The following PRUNE2 variants were observed in gnomAD, a reference collection of about 807,000 sequenced individuals.
PRUNE2 encodes the protein prune homolog 2 with BCH domain.
In PRUNE2, 164 loss-of-function variants were observed where a neutral mutation model predicts 252.0. The ratio of observed to expected loss-of-function variants is 0.65; its 90% CI spans 0.57 to 0.74. The LOEUF is 0.74. Ranked by LOEUF, PRUNE2 falls within the 30% of genes least tolerant of loss-of-function variation. The pLI is 0.00. For synonymous variants in PRUNE2, 1,292 were observed against 1,350.2 expected (o/e 0.96, Z 0.94); for missense variants, 3,495 against 3,711.0 (o/e 0.94, Z 1.51).
intron 6 of PRUNE2, among the ~76,000 whole-genome samples, chr9:76,808,150 C>T (rs573150138): frequency 1.3e-5 from 2 of 149,418 alleles, no homozygotes; most frequent in East Asian, 3.9e-4. Context: ...TGCACTCCAG[C>T]CTGGGCAACA....
At chr9:76,649,214 G>T (rs772846623) in intron 11 of PRUNE2, among the ~76,000 whole-genome samples, 10 of 152,152 alleles carry the variant, frequency 6.6e-5, no homozygotes, top group Non-Finnish European at 1.5e-4. Flanking sequence ...AAAACAATGA[G>T]AATGACCAAT....
intron 9 of PRUNE2, among the ~76,000 whole-genome samples, chr9:76,662,238 C>A (rs1392740103): frequency 6.6e-6 from 1 of 152,192 alleles, no homozygotes; most frequent in Non-Finnish European, 1.5e-5. Context: ...TAAATCTTTG[C>A]ACCTTCTCTA....
chr9:76,647,535 G>GAAATTAAAACTACTATATAAAAGACAA (rs1564446679), intron 11 of PRUNE2, among the ~76,000 whole-genome samples: 1 of 152,092 alleles, frequency 6.6e-6, no homozygotes, highest in African/African-American at 2.4e-5. Flanking sequence ...GGACTTCATT[G>GAAATTAAAACTACTATATAAAAGACAA]AAATTAAAAC....
rs748513273 is a variant in PRUNE2, at chr9:76,705,027, G to A, written c.7247C>T (p.Ser2416Phe). 13 of 1,613,946 alleles carry A rather than the reference G, an allele frequency of 8.1e-6. No homozygotes were observed. The highest frequency in any genetic ancestry group is 3.3e-5 in the Admixed American group (2 of 60,022). Reference protein sequence around the residue: ...QSAETIEEAGSPEDESLGCRA... With the variant: ...QSAETIEEAGFPEDESLGCRA... The stretch of plus-strand genomic sequence containing the variant: ...GCATCCCAGAGATTCATCCTCTGGA[G>A]ACCCAGCTTCCTCTATTGTTTCAGC... Residue 2416 changes from serine to phenylalanine, a missense_variant, in exon 8 of 19, where the codon TCT becomes TTT. Coordinates refer to ENST00000376718, the MANE Select transcript of PRUNE2 (RefSeq NM_015225.3).
Position 76,871,385 on chromosome 9 carries a change from T to C in PRUNE2, c.37-17177A>G, listed in dbSNP as rs1357202946. Among the ~76,000 whole-genome samples the C allele has an allele frequency of 2.0e-5, 3 of 152,212 alleles. No homozygotes were observed. The East Asian group carries it at 5.8e-4, about 29-fold the overall frequency. On this transcript the variant is annotated intron_variant, in intron 1 of 18. Coordinates refer to ENST00000376718, the MANE Select transcript of PRUNE2 (RefSeq NM_015225.3). ...CATGTCGGTTATATGCAAATACTAT[T>C]TCATTTTATATCAAGGACTTGAGCA... is the stretch of plus-strand genomic sequence containing the variant.
intron 17 of PRUNE2, among the ~76,000 whole-genome samples, chr9:76,620,037 T>C (rs1180292480): frequency 6.6e-6 from 1 of 152,236 alleles, no homozygotes; most frequent in Non-Finnish European, 1.5e-5. Flanking sequence ...ATTAGCTGTT[T>C]TTGATATACT....
intron 1 of PRUNE2, among the ~76,000 whole-genome samples, chr9:76,892,651 G>C (rs1275231695): frequency 1.3e-5 from 2 of 152,090 alleles, no homozygotes; most frequent in African/African-American, 4.8e-5. Context: ...TAAAAATTGG[G>C]GTTGCAAGAT....
intron 17 of PRUNE2, among the ~76,000 whole-genome samples, chr9:76,620,125 T>C (rs955840361): frequency 2.7e-5 from 4 of 147,886 alleles, no homozygotes; most frequent in African/African-American, 7.5e-5. Flanking sequence ...CCTCAACTTT[T>C]ATACCCCTCC....
At chr9:76,622,615 CG>C (rs1479357408) in intron 17 of PRUNE2, among the ~76,000 whole-genome samples, 9 of 152,104 alleles carry the variant, frequency 5.9e-5, no homozygotes, top group African/African-American at 1.9e-4. Flanking sequence ...TCTCACTGAG[CG>C]TTCTCTCTCT....
chr9:76,848,056 G>T (rs1007742629), intron 3 of PRUNE2, among the ~76,000 whole-genome samples: 1 of 152,196 alleles, frequency 6.6e-6, no homozygotes, highest in Non-Finnish European at 1.5e-5. Flanking sequence ...CTGAGGTCAG[G>T]AGTTTGAAAC....
intron 11 of PRUNE2, among the ~76,000 whole-genome samples, chr9:76,651,116 T>A (rs1317201489): frequency 6.6e-6 from 1 of 151,994 alleles, no homozygotes; most frequent in Non-Finnish European, 1.5e-5. Context: ...CCCAGATAAC[T>A]ACAGAAATTC....
chr9:76,821,089 A>C (rs1208949729), intron 6 of PRUNE2, among the ~76,000 whole-genome samples: 1 of 152,204 alleles, frequency 6.6e-6, no homozygotes, highest in African/African-American at 2.4e-5. Context: ...GGAAGATCTA[A>C]TGTAAAGAGT....
intron 4 of PRUNE2, among the ~76,000 whole-genome samples, chr9:76,833,659 G>A (rs923797843): frequency 1.5e-4 from 23 of 151,832 alleles, no homozygotes; most frequent in Non-Finnish European, 3.2e-4. Context: ...CAGCTACTTG[G>A]GAGGCTGAGG....
chr9:76,739,523 T>C (rs2049380320), intron 6 of PRUNE2: 1 of 152,126 alleles, frequency 6.6e-6, no homozygotes, highest in Non-Finnish European at 1.5e-5. Flanking sequence ...ACCAGGGATA[T>C]AGTTTGTTAC....
intron 4 of PRUNE2, among the ~76,000 whole-genome samples, chr9:76,836,220 G>A (rs1217543110): frequency 6.6e-6 from 1 of 151,518 alleles, no homozygotes; most frequent in Non-Finnish European, 1.5e-5. Context: ...AGAAATAAAC[G>A]AATACAGGTG....
chr9:76,821,826 A>C (rs1326435499), intron 6 of PRUNE2, among the ~76,000 whole-genome samples: 1 of 152,162 alleles, frequency 6.6e-6, no homozygotes, highest in Non-Finnish European at 1.5e-5. Flanking sequence ...AGCCATTTGC[A>C]TACCCCTATA....
At chr9:76,776,000 T>A (rs917602453) in intron 6 of PRUNE2, among the ~76,000 whole-genome samples, 1 of 152,194 alleles carries the variant, frequency 6.6e-6, no homozygotes, top group Non-Finnish European at 1.5e-5. Flanking sequence ...TTGGGAGGGA[T>A]AGGAATAAGA....
intron 9 of PRUNE2, among the ~76,000 whole-genome samples, chr9:76,691,139 G>A (rs1021324083): frequency 6.6e-6 from 1 of 152,190 alleles, no homozygotes. Context: ...CAGGAGGGGC[G>A]CAGGGCAGCC....
chr9:76,875,620 TC>T, intron 1 of PRUNE2, among the ~76,000 whole-genome samples: 2 of 152,326 alleles, frequency 1.3e-5, no homozygotes, highest in South Asian at 4.1e-4. Context: ...CGCCTTGGCC[TC>T]CCAAAGTGCT....
Sources: allele counts gnomAD v4.1 joint callset (sites outside exome capture counted in the v4.1 genomes callset), GRCh38; gene constraint gnomAD v4.1.1; transcripts MANE v1.5; gene names NCBI Gene and HGNC (gene_info 2026-07-23, HGNC 2026-07-21).